Variants in SMARCA4 observed in about 807,000 individuals in gnomAD.
SMARCA4 encodes the protein SWI/SNF-related matrix-associated actin-dependent regulator of chromatin subfamily A member 4.
In SMARCA4, 31 loss-of-function variants were observed where a neutral mutation model predicts 193.9. The ratio of observed to expected loss-of-function variants is 0.16; its 90% CI spans 0.12 to 0.22. The LOEUF is 0.22. SMARCA4 is among the 10% of genes least tolerant of loss of function. The pLI is 1.00. For missense variants in SMARCA4, 1,148 were observed against 2,296.0 expected, an observed-to-expected ratio of 0.50 and a Z score of 10.22; for synonymous variants, 942 against 933.1, an observed-to-expected ratio of 1.01 and a Z score of -0.17.
chr19:11,060,164 G>A lies in SMARCA4; in HGVS notation c.4888G>A (p.Asp1630Asn), dbSNP rs1600649515. The change falls in exon 34 of 35, where the codon GAC (aspartate) becomes AAC (asparagine). Residue 1630 changes from aspartate to asparagine, a missense_variant. Asp to Asn is a conservative substitution (Grantham distance 23, BLOSUM62 1). Transcript: ENST00000344626. ...AGCCAAGCCGGTCGTGAGTGACGAT[G>A]ACAGTGAGGAGGAACAAGAGGAGGT... Reference protein sequence around the residue: ...SRAKPVVSDDDSEEEQEEDRS... With the variant: ...SRAKPVVSDDNSEEEQEEDRS... 3 of 1,551,152 alleles carry A rather than the reference G, an allele frequency of 1.9e-6. No homozygotes were observed. The highest frequency in any genetic ancestry group is 2.7e-5 in the African/African-American group (2 of 73,174).
At chr19:11,001,707 T>G (rs1219297138) in intron 11 of SMARCA4, among the ~76,000 whole-genome samples, 1 of 152,104 alleles carries the variant, frequency 6.6e-6, no homozygotes, top group Non-Finnish European at 1.5e-5. Flanking sequence ...GAGACTGATA[T>G]CCCTCCGCTG....
chr19:11,001,220 G>A (rs1351249234), intron 11 of SMARCA4, among the ~76,000 whole-genome samples: 1 of 152,046 alleles, frequency 6.6e-6, no homozygotes, highest in Non-Finnish European at 1.5e-5. Flanking sequence ...TGTTGTTGCA[G>A]CTGCTCAGGA....
At chr19:10,962,502 G>T (rs969269950) in intron 1 of SMARCA4, among the ~76,000 whole-genome samples, 1 of 152,052 alleles carries the variant, frequency 6.6e-6, no homozygotes, top group African/African-American at 2.4e-5. Flanking sequence ...GATCACGGGG[G>T]CTGCTTGGAA....
At chr19:11,035,219 C>G (rs2075197922) in intron 29 of SMARCA4, 87 bp downstream of exon 29, 4 of 1,304,996 alleles carry the variant, frequency 3.1e-6, no homozygotes, top group Non-Finnish European at 4.3e-6. Context: ...GGACTCAGGC[C>G]TGGGTCCAAA....
At chr19:10,975,318 C>CTTTT (rs372249804) in intron 1 of SMARCA4, among the ~76,000 whole-genome samples, 2 of 107,466 alleles carry the variant, frequency 1.9e-5, no homozygotes, top group African/African-American at 3.5e-5. Flanking sequence ...TCCAACCTTA[C>CTTTT]TTTTTTTTTT....
At position 11,034,789 on chromosome 19, in the gene SMARCA4, A is replaced by G; in HGVS notation, c.3952-125A>G. On this transcript the variant is annotated intron_variant, in intron 28 of 34. Coordinates refer to ENST00000344626, the MANE Select transcript of SMARCA4 (RefSeq NM_003072.5). This position sits in a 1 kb window ranked among gnomAD's most constrained non-coding sequence, Gnocchi z 7.0. ...CTGAAAAATCGAGAGCTACTGTTTA[A>G]CTCTCGCAGCAGCGTGGAGCCCCAC... 1 of 724,898 alleles carries G rather than the reference A, an allele frequency of 1.4e-6. No individual in the cohort carries two copies. 44.9% of individuals were successfully genotyped at this position (724,898 alleles called of 1,614,324 possible). A position where few individuals can be genotyped will look rare whatever the true frequency, so the allele number is the denominator to read the frequency against.
chr19:11,020,210 C>A (rs533869554), intron 18 of SMARCA4, among the ~76,000 whole-genome samples: 1 of 152,286 alleles, frequency 6.6e-6, no homozygotes, highest in South Asian at 2.1e-4. Flanking sequence ...GTCCTACTGT[C>A]CTGGAAGCCT....
At chr19:11,057,374 A>AG (rs1474494949) in intron 30 of SMARCA4, among the ~76,000 whole-genome samples, 3 of 152,190 alleles carry the variant, frequency 2.0e-5, no homozygotes, top group Admixed American at 2.0e-4. Flanking sequence ...CGAGTGCACA[A>AG]GGGCGCTTCC....
chr19:11,025,167 T>A (rs1262658374), intron 21 of SMARCA4, among the ~76,000 whole-genome samples: 1 of 152,140 alleles, frequency 6.6e-6, no homozygotes, highest in Non-Finnish European at 1.5e-5. Context: ...CCAGTCTTGT[T>A]TCCGTCCCGT....
intron 1 of SMARCA4, among the ~76,000 whole-genome samples, chr19:10,974,779 T>C (rs1033431041): frequency 1.6e-5 from 2 of 128,816 alleles, no homozygotes; most frequent in African/African-American, 5.8e-5. Context: ...CGATCTTGGC[T>C]CACCGCAACC....
In SMARCA4 at chr19:10,986,996, G is replaced by A. The variant is rs761071237; in HGVS notation, c.852G>A (p.Trp284Ter). Residue 284 changes from tryptophan to a stop codon, truncating the protein, a stop_gained, in exon 5 of 35, where the codon TGG becomes TGA. Coordinates refer to ENST00000344626, the MANE Select transcript of SMARCA4 (RefSeq NM_003072.5). LOFTEE classifies it high-confidence loss of function. This position sits in a 1 kb window ranked among gnomAD's most constrained non-coding sequence, Gnocchi z 6.7. ...CTCCTGGAGGGCCTCCCAAGCCCTGGCCTGAAGGTGAGCTCCCTCTTCTAT... is the reference window on the plus strand; with the variant it reads ...CTCCTGGAGGGCCTCCCAAGCCCTGACCTGAAGGTGAGCTCCCTCTTCTAT... ...GQPPGGPPKP[W>*]PEGPMANAAA... 6.2e-7 allele frequency: 1 copy of A among 1,603,306 alleles called. No individual in the cohort carries two copies. Among genetic ancestry groups the A allele is most frequent in the Non-Finnish European group, 8.5e-7 (1 of 1,178,434 alleles).
intron 13 of SMARCA4, among the ~76,000 whole-genome samples, chr19:11,005,258 G>T (rs181101804): frequency 3.9e-5 from 6 of 152,280 alleles, no homozygotes; most frequent in Admixed American, 2.6e-4. Flanking sequence ...ATTTCCTGGG[G>T]CTCAGTCTGT....
In SMARCA4 at chr19:10,986,726, C is replaced by A; in HGVS notation, c.760+133C>A. ...GATTGCACGGGCCCATACTGCACTT[C>A]TGGGTGCTCGGGTGGTGGGGGCAGC... On this transcript the variant is annotated intron_variant, in intron 4 of 34. Transcript: ENST00000344626. The surrounding 1 kb of genome is among the most constrained non-coding windows in gnomAD (Gnocchi z 6.7). The A allele has an allele frequency of 7.2e-7, 1 of 1,383,786 alleles. No individual in the cohort carries two copies. Among genetic ancestry groups the A allele is most frequent in the Non-Finnish European group, 9.9e-7 (1 of 1,012,868 alleles). The allele number at this position is 1,383,786 out of a possible 1,614,324, so 85.7% of individuals were successfully genotyped here. A position where few individuals can be genotyped will look rare whatever the true frequency, so the allele number is the denominator to read the frequency against.
chr19:11,045,464 T>G (rs1471235504), intron 30 of SMARCA4, among the ~76,000 whole-genome samples: 1 of 152,218 alleles, frequency 6.6e-6, no homozygotes, highest in Non-Finnish European at 1.5e-5. Context: ...ACTGGGGATA[T>G]TCTCTCTATA....
chr19:11,032,312 C>T (rs572476367), intron 25 of SMARCA4: 2 of 152,458 alleles, frequency 1.3e-5, no homozygotes, highest in Admixed American at 1.3e-4. Context: ...CCTGCAGCTC[C>T]TGGGCCCAGA....
At chr19:10,969,420 T>G (rs1248185457) in intron 1 of SMARCA4, among the ~76,000 whole-genome samples, 1 of 151,240 alleles carries the variant, frequency 6.6e-6, no homozygotes, top group Non-Finnish European at 1.5e-5. Flanking sequence ...CGCCTTTTTA[T>G]ATTTCTTTCT....
chr19:11,058,372 G>A lies in SMARCA4; in HGVS notation c.4533+9G>A. 6.3e-7 allele frequency: 1 copy of A among 1,581,516 alleles called. No individual in the cohort carries two copies. On this transcript the variant is annotated intron_variant, in intron 31 of 34. Transcript: ENST00000344626. This position sits in a 1 kb window ranked among gnomAD's most constrained non-coding sequence, Gnocchi z 5.8. ...ACTTCAAGAAGATAAAGGTAACCCT[G>A]ACGTTGTACCTGCGCCCCGCATGTG... is the stretch of plus-strand genomic sequence containing the variant.
intron 29 of SMARCA4, chr19:11,039,634 A>G: frequency 1.5e-6 from 1 of 650,056 alleles, no homozygotes; most frequent in Non-Finnish European, 2.5e-6. Flanking sequence ...ACTGTGTACT[A>G]AAACATGGCT....
chr19:10,996,628 T>A (rs1341944054), intron 11 of SMARCA4, 84 bp downstream of exon 11: 4 of 1,298,160 alleles, frequency 3.1e-6, no homozygotes, highest in Non-Finnish European at 4.5e-6. Context: ...TGTGTTCTTT[T>A]AAAATTACGA....
Sources: allele counts gnomAD v4.1 joint callset (sites outside exome capture counted in the v4.1 genomes callset), GRCh38; gene constraint gnomAD v4.1.1; non-coding constraint Gnocchi (gnomAD v3.1); transcripts MANE v1.5; gene names NCBI Gene and HGNC (gene_info 2026-07-23, HGNC 2026-07-21).